GOLM1: variants seen among roughly 807,000 people sequenced by gnomAD.
The protein encoded by GOLM1 is golgi membrane protein 1.
A neutral mutation model predicts 50.5 loss-of-function variants in GOLM1; 31 were observed. That is an observed-to-expected ratio of 0.61 (90% CI 0.46 to 0.83). GOLM1 has a LOEUF of 0.83. GOLM1 is among the 40% of genes least tolerant of loss of function. The pLI, the probability that GOLM1 is intolerant of heterozygous loss-of-function variation, is 0.00. For missense variants in GOLM1, 491 were observed against 501.3 expected (o/e 0.98, Z 0.20); for synonymous variants, 178 against 192.8 (o/e 0.92, Z 0.64).
intron 1 of GOLM1, among the ~76,000 whole-genome samples, chr9:86,085,454 T>TG (rs1834925686): frequency 2.1e-5 from 1 of 47,310 alleles, no homozygotes; most frequent in African/African-American, 5.3e-5. Flanking sequence ...AAAGTTTTTG[T>TG]TTTTTTTTTT....
chr9:86,044,621 A>G (rs186489235), intron 5 of GOLM1, among the ~76,000 whole-genome samples: 138 of 152,364 alleles, frequency 9.1e-4, no homozygotes, highest in Non-Finnish European at 1.6e-3. Context: ...TTTAAATATA[A>G]TGCAAGTAAT....
chr9:86,098,408 A>C (rs1164039764), intron 1 of GOLM1, among the ~76,000 whole-genome samples: 1 of 152,184 alleles, frequency 6.6e-6, no homozygotes, highest in East Asian at 1.9e-4. Context: ...CATGAGCTAA[A>C]CAAAGCCACT....
At chr9:86,052,642 G>C (rs1195750577) in intron 3 of GOLM1, 51 bp from the exon 4 acceptor site, 2 of 1,507,824 alleles carry the variant, frequency 1.3e-6, no homozygotes, top group Admixed American at 1.7e-5. Context: ...ACCTCAGCCT[G>C]ACAGCCAGAT....
intron 3 of GOLM1, among the ~76,000 whole-genome samples, chr9:86,064,119 GCA>G (rs1399362714): frequency 6.6e-6 from 1 of 152,226 alleles, no homozygotes; most frequent in Non-Finnish European, 1.5e-5. Flanking sequence ...ACCCACTGAG[GCA>G]CAGTCTGCAG....
intron 9 of GOLM1, among the ~76,000 whole-genome samples, chr9:86,029,709 A>T (rs1299712779): frequency 1.3e-5 from 2 of 152,192 alleles, no homozygotes; most frequent in Non-Finnish European, 2.9e-5. Flanking sequence ...TCAATGACAC[A>T]ATCTTAAAAT....
intron 1 of GOLM1, among the ~76,000 whole-genome samples, chr9:86,093,772 C>T (rs1052161995): frequency 6.6e-6 from 1 of 152,134 alleles, no homozygotes. Context: ...GCCAAATACA[C>T]GAGCCCCTTG....
chr9:86,069,135 C>CT (rs1834383059), intron 3 of GOLM1, among the ~76,000 whole-genome samples: 1 of 129,460 alleles, frequency 7.7e-6, no homozygotes, highest in Non-Finnish European at 1.5e-5. Context: ...CATGTAATCT[C>CT]TATTTTTTTT....
In GOLM1 at chr9:86,027,590, C is replaced by T. The variant is rs543847707; in HGVS notation, c.*227G>A. 365 of 1,308,970 alleles carry T rather than the reference C, an allele frequency of 2.8e-4. No homozygotes were observed. In the African/African-American group the frequency reaches 4.9e-3, roughly 17 times the overall value. 81.1% of individuals were successfully genotyped at this position (1,308,970 alleles called of 1,614,324 possible). ...TGAACTTCTCACGAAATACCTACTA[C>T]CAAAAATTGTGACACCTTATTAGAC... is the stretch of plus-strand genomic sequence containing the variant. On this transcript the variant is annotated 3_prime_UTR_variant, in exon 10 of 10. Transcript: ENST00000388712.
intron 6 of GOLM1, chr9:86,036,916 C>G: frequency 5.8e-6 from 1 of 172,198 alleles, no homozygotes; most frequent in East Asian, 1.7e-4. Flanking sequence ...CAATATTTTC[C>G]AGGATGGACA....
intron 8 of GOLM1, among the ~76,000 whole-genome samples, chr9:86,033,910 C>T (rs1833056624): frequency 6.6e-6 from 1 of 151,870 alleles, no homozygotes; most frequent in South Asian, 2.1e-4. Flanking sequence ...AAGAGACCTA[C>T]TCAAAGGGTT....
At chr9:86,049,637 GAA>G (rs1833671387) in intron 4 of GOLM1, among the ~76,000 whole-genome samples, 1 of 152,186 alleles carries the variant, frequency 6.6e-6, no homozygotes. Flanking sequence ...AAGCAATTGT[GAA>G]TGGGAGTTCA....
Position 86,033,412 on chromosome 9 carries a change from T to C in GOLM1, c.1016-17A>G, listed in dbSNP as rs768522554. 1.6e-5 allele frequency: 23 copies of C among 1,431,284 alleles called. No homozygotes were observed. The highest frequency in any genetic ancestry group is 2.1e-5 in the Non-Finnish European group (21 of 1,013,116). The allele number at this position is 1,431,284 out of a possible 1,614,324, so 88.7% of individuals were successfully genotyped here. A position where few individuals can be genotyped will look rare whatever the true frequency, so the allele number is the denominator to read the frequency against. Reference sequence around the variant, plus strand: ...GGTTTCTCCCTGTAAAATTAGCACATAAAACATAAGCTACATCATTTCTGT... The same window carrying C: ...GGTTTCTCCCTGTAAAATTAGCACACAAAACATAAGCTACATCATTTCTGT... On this transcript the variant is annotated splice_polypyrimidine_tract_variant and intron_variant, in intron 8 of 9. Transcript: ENST00000388712.
intron 3 of GOLM1, among the ~76,000 whole-genome samples, chr9:86,054,815 C>T (rs551363321): frequency 1.2e-4 from 18 of 152,302 alleles, no homozygotes; most frequent in African/African-American, 4.3e-4. Context: ...GAGTGCACTG[C>T]ACAGGTAAAT....
At chr9:86,027,941 C>T (rs1181475698) in intron 9 of GOLM1, 48 bp from the exon 10 acceptor site, 6 of 1,156,906 alleles carry the variant, frequency 5.2e-6, no homozygotes, top group Non-Finnish European at 7.7e-6. Context: ...AAATGAGATA[C>T]TAGCCCTAGG....
intron 3 of GOLM1, among the ~76,000 whole-genome samples, chr9:86,073,896 A>C (rs899132064): frequency 6.6e-6 from 1 of 152,234 alleles, no homozygotes; most frequent in East Asian, 1.9e-4. Flanking sequence ...GCCATCATAG[A>C]AAATTCTATC....
chr9:86,077,090 G>A (rs965245254), intron 3 of GOLM1, among the ~76,000 whole-genome samples: 1 of 152,002 alleles, frequency 6.6e-6, no homozygotes, highest in African/African-American at 2.4e-5. Flanking sequence ...GCCTGGCACA[G>A]AGTAGGTATT....
chr9:86,068,185 T>G (rs781490414), intron 3 of GOLM1, among the ~76,000 whole-genome samples: 1 of 151,998 alleles, frequency 6.6e-6, no homozygotes, highest in Admixed American at 6.6e-5. Context: ...GAGGTGGAAA[T>G]TGCACAAAAC....
chr9:86,095,170 C>T (rs993870156), intron 1 of GOLM1, among the ~76,000 whole-genome samples: 1 of 151,936 alleles, frequency 6.6e-6, no homozygotes, highest in African/African-American at 2.4e-5. Context: ...GCCCAAGGGC[C>T]CAATCCTGCC....
At chr9:86,075,229 G>A (rs1027918856) in intron 3 of GOLM1, among the ~76,000 whole-genome samples, 1 of 152,196 alleles carries the variant, frequency 6.6e-6, no homozygotes, top group Non-Finnish European at 1.5e-5. Flanking sequence ...TTGTTTATAC[G>A]CTGCTCAGTT....
Sources: gnomAD v4.1 joint callset for allele counts (sites outside exome capture counted in the v4.1 genomes callset) on GRCh38, gnomAD v4.1.1 for gene constraint, MANE v1.5 for transcripts, NCBI Gene and HGNC (gene_info 2026-07-23, HGNC 2026-07-21) for gene names.